Variants in XYLT1 observed in about 807,000 individuals in gnomAD.
The protein encoded by XYLT1 is beta-D-xylosyltransferase 1.
A neutral mutation model predicts 91.3 loss-of-function variants in XYLT1; 36 were observed. That is an observed-to-expected ratio of 0.39 (90% CI 0.30 to 0.52). XYLT1 has a LOEUF of 0.52. XYLT1 is among the 20% of genes least tolerant of loss of function. The pLI is 0.68. For synonymous variants in XYLT1, 588 were observed against 532.0 expected (o/e 1.11, Z -1.45); for missense variants, 1,242 against 1,284.5 (o/e 0.97, Z 0.51).
chr16:17,296,640 C>T lies in XYLT1; in HGVS notation c.403-37142G>A, dbSNP rs188934978. On this transcript the variant is annotated intron_variant, in intron 2 of 11. Coordinates refer to ENST00000261381, the MANE Select transcript of XYLT1 (RefSeq NM_022166.4). Reference sequence around the variant, plus strand: ...GGCTCTGATGGGCAGGAGCGCAGAGCCCGGGGCCAACTGGGGACAAATCCG... The same window carrying T: ...GGCTCTGATGGGCAGGAGCGCAGAGTCCGGGGCCAACTGGGGACAAATCCG... 2.0e-5 allele frequency among the ~76,000 whole-genome samples: 3 copies of T among 152,272 alleles called. No individual in the cohort carries two copies. In the East Asian group the frequency reaches 5.8e-4, roughly 29 times the overall value.
chr16:17,180,014 G>A (rs756697418), intron 5 of XYLT1, among the ~76,000 whole-genome samples: 1 of 152,216 alleles, frequency 6.6e-6, no homozygotes, highest in Non-Finnish European at 1.5e-5. Flanking sequence ...CTGAGCATCT[G>A]CTCAAGTCCC....
chr16:17,335,467 G>T (rs909994673), intron 2 of XYLT1, among the ~76,000 whole-genome samples: 1 of 152,018 alleles, frequency 6.6e-6, no homozygotes. Flanking sequence ...AAGGCAGGCA[G>T]ATCACCTGAG....
intron 11 of XYLT1, among the ~76,000 whole-genome samples, chr16:17,111,389 G>GCTGAGCAATAAATATATGCT (rs900374749): frequency 4.6e-5 from 7 of 152,258 alleles, no homozygotes; most frequent in African/African-American, 1.7e-4. Flanking sequence ...CTCAGTAGAA[G>GCTGAGCAATAAATATATGCT]CACATATATA....
At chr16:17,240,963 G>A (rs2033336225) in intron 3 of XYLT1, among the ~76,000 whole-genome samples, 1 of 152,128 alleles carries the variant, frequency 6.6e-6, no homozygotes, top group African/African-American at 2.4e-5. Context: ...TTGACCATCT[G>A]GACAGGACCA....
Position 17,108,956 on chromosome 16 carries a change from C to G in XYLT1, c.2619G>C (p.Gln873His), listed in dbSNP as rs1378456649. Residue 873 changes from glutamine to histidine, a missense_variant, in exon 12 of 12, where the codon CAG becomes CAC. Gln to His is a conservative substitution (Grantham distance 24, BLOSUM62 0). Around this residue, in one of 3 missense-constraint regions of XYLT1, gnomAD observed 511 missense variants for 497.0 expected, o/e 1.03. Coordinates refer to ENST00000261381, the MANE Select transcript of XYLT1 (RefSeq NM_022166.4). ...GCAGGCTGAGGACGGGGTTTAGGCTCTGGAAGCTCTGCTCCATGTAGGCAT... is the reference window on the plus strand; with the variant it reads ...GCAGGCTGAGGACGGGGTTTAGGCTGTGGAAGCTCTGCTCCATGTAGGCAT... Reference protein sequence around the residue: ...LRNAYMEQSFQSLNPVLSLPI... With the variant: ...LRNAYMEQSFHSLNPVLSLPI... The G allele has an allele frequency of 1.9e-6, 3 of 1,583,572 alleles. No individual in the cohort carries two copies. The Admixed American group carries it at 5.1e-5, about 27-fold the overall frequency.
At chr16:17,261,975 T>G (rs1281874210) in intron 2 of XYLT1, among the ~76,000 whole-genome samples, 1 of 152,204 alleles carries the variant, frequency 6.6e-6, no homozygotes, top group Non-Finnish European at 1.5e-5. Context: ...TCTTTATTCT[T>G]GTAACCTAAA....
intron 6 of XYLT1, among the ~76,000 whole-genome samples, chr16:17,148,243 A>G (rs111933275): frequency 1.3e-5 from 2 of 152,178 alleles, no homozygotes; most frequent in Non-Finnish European, 1.5e-5. Context: ...CAAGCAATGA[A>G]CCGACTCAAC....
chr16:17,375,094 A>C (rs2035581339), intron 1 of XYLT1, among the ~76,000 whole-genome samples: 1 of 152,282 alleles, frequency 6.6e-6, no homozygotes, highest in South Asian at 2.1e-4. Context: ...AGAGGTGGAG[A>C]CACTTGTTAA....
intron 2 of XYLT1, among the ~76,000 whole-genome samples, chr16:17,261,241 CAAAA>C (rs10573500): frequency 1.1e-4 from 11 of 96,414 alleles, no homozygotes; most frequent in Admixed American, 2.2e-4. Context: ...AACTGGCTCT[CAAAA>C]AAAAAAAAAA....
intron 5 of XYLT1, among the ~76,000 whole-genome samples, chr16:17,165,405 A>T (rs2031653359): frequency 6.6e-6 from 1 of 152,144 alleles, no homozygotes; most frequent in Non-Finnish European, 1.5e-5. Context: ...GGGCGTAGCC[A>T]GCTGGGCATG....
intron 6 of XYLT1, among the ~76,000 whole-genome samples, chr16:17,147,228 T>C (rs1361161173): frequency 6.6e-6 from 1 of 152,234 alleles, no homozygotes; most frequent in Non-Finnish European, 1.5e-5. Context: ...AATAAAACCC[T>C]GCCTTGACTC....
Position 17,200,519 on chromosome 16 carries a change from T to A in XYLT1, c.1049A>T (p.Tyr350Phe). ...RQLQRMFKAI[Y>F]HKDHFYYIHV... Reference sequence around the variant, plus strand: ...GATGTAGTAGAAGTGGTCTTTGTGGTAGATGGCCTTGAACATGCGCTGCAA... The same window carrying A: ...GATGTAGTAGAAGTGGTCTTTGTGGAAGATGGCCTTGAACATGCGCTGCAA... Residue 350 changes from tyrosine (Y) to phenylalanine (F), a missense_variant, in exon 4 of 12, where the codon TAC becomes TTC. Around this residue, in one of 3 missense-constraint regions of XYLT1, gnomAD observed 294 missense variants for 376.0 expected, o/e 0.78. Transcript: ENST00000261381. 1 of 1,614,148 alleles carries A rather than the reference T, an allele frequency of 6.2e-7. No individual in the cohort carries two copies. The highest frequency in any genetic ancestry group is 1.3e-5 in the African/African-American group (1 of 75,034).
intron 3 of XYLT1, among the ~76,000 whole-genome samples, chr16:17,254,996 C>CTT (rs34553607): frequency 9.9e-4 from 112 of 113,344 alleles, no homozygotes; most frequent in Admixed American, 1.3e-3. Context: ...TTTTCTTTTT[C>CTT]TTTTTTTTTT....
At chr16:17,118,406 C>T (rs2029929518) in intron 10 of XYLT1, among the ~76,000 whole-genome samples, 1 of 152,170 alleles carries the variant, frequency 6.6e-6, no homozygotes, top group Non-Finnish European at 1.5e-5. Context: ...AATCACACAC[C>T]TCCACTTGGT....
intron 5 of XYLT1, among the ~76,000 whole-genome samples, chr16:17,197,014 A>ATATATATATATAT (rs1597184723): frequency 3.6e-4 from 40 of 110,500 alleles, no homozygotes; most frequent in African/African-American, 1.7e-3. Flanking sequence ...CTGTCTCCAA[A>ATATATATATATAT]ATATATATAT....
At chr16:17,113,201 G>A (rs1431598362) in intron 11 of XYLT1, among the ~76,000 whole-genome samples, 1 of 150,178 alleles carries the variant, frequency 6.7e-6, no homozygotes, top group Non-Finnish European at 1.5e-5. Flanking sequence ...GAGTGCAGTG[G>A]TGTGATCTTG....
At chr16:17,149,062 C>T (rs1597153023) in intron 6 of XYLT1, among the ~76,000 whole-genome samples, 1 of 152,278 alleles carries the variant, frequency 6.6e-6, no homozygotes, top group East Asian at 1.9e-4. Flanking sequence ...ATCCCAGGGA[C>T]CAAATCTACT....
chr16:17,302,123 T>G (rs1353808596), intron 2 of XYLT1, among the ~76,000 whole-genome samples: 1 of 152,094 alleles, frequency 6.6e-6, no homozygotes, highest in Non-Finnish European at 1.5e-5. Context: ...GAGAATTGCT[T>G]GAACCCACCA....
chr16:17,108,504 G>T lies in XYLT1; in HGVS notation c.*191C>A. The T allele has an allele frequency of 1.8e-6, 1 of 563,664 alleles. No individual in the cohort carries two copies. The highest frequency in any genetic ancestry group is 3.0e-6 in the Non-Finnish European group (1 of 329,984). The allele number at this position is 563,664 out of a possible 1,614,324, so 34.9% of individuals were successfully genotyped here. On this transcript the variant is annotated 3_prime_UTR_variant, in exon 12 of 12. Coordinates refer to ENST00000261381, the MANE Select transcript of XYLT1 (RefSeq NM_022166.4). ...CAGGGACTGAGCCATCCCACCCGCAGCTTGCCAAAGGCAGGTTGTTGGCTG... is the reference window on the plus strand; with the variant it reads ...CAGGGACTGAGCCATCCCACCCGCATCTTGCCAAAGGCAGGTTGTTGGCTG...
Sources: allele counts gnomAD v4.1 joint callset (sites outside exome capture counted in the v4.1 genomes callset), GRCh38; gene constraint gnomAD v4.1.1; regional missense constraint gnomAD v4.1.1; transcripts MANE v1.5; gene names NCBI Gene and HGNC (gene_info 2026-07-23, HGNC 2026-07-21).